Variants in CHCHD3 observed in about 807,000 individuals in gnomAD.
The protein encoded by CHCHD3 is coiled-coil-helix-coiled-coil-helix domain containing 3.
In CHCHD3, 20 loss-of-function variants were observed where a neutral mutation model predicts 38.2. The ratio of observed to expected loss-of-function variants is 0.52; its 90% confidence interval spans 0.37 to 0.76. The LOEUF (loss-of-function observed/expected upper bound fraction) is 0.76, where lower values mean the gene tolerates loss of function less well. Among genes scored for constraint, CHCHD3 ranks in the 30% least tolerant of loss-of-function variants. The pLI is 0.00. For synonymous variants in CHCHD3, 82 were observed against 100.0 expected (o/e 0.82, Z 1.07); for missense variants, 245 against 279.2 (o/e 0.88, Z 0.87).
chr7:133,074,260 C>T (rs1814912451), intron 1 of CHCHD3, among the ~76,000 whole-genome samples: 1 of 152,204 alleles, frequency 6.6e-6, no homozygotes, highest in Admixed American at 6.5e-5. Context: ...TATACCTCAA[C>T]TGTTACTTGT....
intron 4 of CHCHD3, among the ~76,000 whole-genome samples, chr7:132,924,149 G>C (rs535999507): frequency 2.2e-4 from 34 of 152,252 alleles, no homozygotes; most frequent in African/African-American, 7.7e-4. Flanking sequence ...TTCCATGAGA[G>C]TAAGATCAGT....
At chr7:132,965,598 T>C (rs1667337927) in intron 4 of CHCHD3, among the ~76,000 whole-genome samples, 1 of 152,242 alleles carries the variant, frequency 6.6e-6, no homozygotes. Context: ...GGCAATGAGT[T>C]ACCTGTGTTC....
At chr7:132,980,695 T>C (rs540654713) in intron 3 of CHCHD3, among the ~76,000 whole-genome samples, 3 of 152,268 alleles carry the variant, frequency 2.0e-5, no homozygotes, top group African/African-American at 7.2e-5. Context: ...ACCAGCAAAA[T>C]GAATTCCTAA....
chr7:132,877,258 A>G (rs1403299875), intron 5 of CHCHD3, among the ~76,000 whole-genome samples: 1 of 152,184 alleles, frequency 6.6e-6, no homozygotes. Flanking sequence ...GAAATTTCAG[A>G]GAGGTTAACA....
intron 4 of CHCHD3, among the ~76,000 whole-genome samples, chr7:132,964,659 C>G (rs1811412194): frequency 6.6e-6 from 1 of 152,146 alleles, no homozygotes; most frequent in African/African-American, 2.4e-5. Context: ...TGCTACAAAC[C>G]AGGTCCTTTT....
chr7:132,903,469 T>G (rs549749398), intron 4 of CHCHD3, among the ~76,000 whole-genome samples: 1 of 152,276 alleles, frequency 6.6e-6, no homozygotes, highest in Non-Finnish European at 1.5e-5. Flanking sequence ...AGGAAACAAG[T>G]TGCAGAAAAG....
At chr7:132,870,871 T>C (rs1188960979) in intron 5 of CHCHD3, among the ~76,000 whole-genome samples, 1 of 152,202 alleles carries the variant, frequency 6.6e-6, no homozygotes, top group Non-Finnish European at 1.5e-5. Context: ...GGTTTCTGTT[T>C]CATTGCTTGA....
At chr7:133,046,248 G>GA (rs914655427) in intron 2 of CHCHD3, among the ~76,000 whole-genome samples, 6 of 151,764 alleles carry the variant, frequency 4.0e-5, no homozygotes, top group South Asian at 2.1e-4. Flanking sequence ...ACTTGGATAG[G>GA]AAAAAAAATG....
chr7:132,906,115 T>A (rs1285301430), intron 4 of CHCHD3, among the ~76,000 whole-genome samples: 1 of 152,222 alleles, frequency 6.6e-6, no homozygotes, highest in Non-Finnish European at 1.5e-5. Context: ...AATTCCACAA[T>A]GTATGATATA....
At chr7:132,896,088 G>T (rs1393591218) in intron 4 of CHCHD3, among the ~76,000 whole-genome samples, 3 of 152,296 alleles carry the variant, frequency 2.0e-5, no homozygotes, top group Admixed American at 6.5e-5. Context: ...TCTATCATCT[G>T]GTGGTTGGGT....
chr7:133,036,160 T>C (rs1813668477), intron 2 of CHCHD3, among the ~76,000 whole-genome samples: 1 of 152,132 alleles, frequency 6.6e-6, no homozygotes, highest in Non-Finnish European at 1.5e-5. Context: ...TCCCATCCTG[T>C]TAGTGTAAGT....
intron 2 of CHCHD3, among the ~76,000 whole-genome samples, chr7:133,031,641 ATTTT>A (rs1208571372): frequency 6.6e-6 from 1 of 151,862 alleles, no homozygotes; most frequent in Non-Finnish European, 1.5e-5. Context: ...CCTTTAATGT[ATTTT>A]TCTTTCTGGT....
chr7:132,960,465 A>G, intron 4 of CHCHD3, among the ~76,000 whole-genome samples: 1 of 152,162 alleles, frequency 6.6e-6, no homozygotes, highest in East Asian at 1.9e-4. Flanking sequence ...CACTCTCTTA[A>G]TAATATATTG....
chr7:132,858,675 A>G (rs919805116), intron 5 of CHCHD3, among the ~76,000 whole-genome samples: 2 of 152,222 alleles, frequency 1.3e-5, no homozygotes, highest in Non-Finnish European at 2.9e-5. Flanking sequence ...AGAAAACTAA[A>G]GCCTTCCTGA....
chr7:132,971,953 C>T (rs949124971), intron 4 of CHCHD3, among the ~76,000 whole-genome samples: 2 of 149,316 alleles, frequency 1.3e-5, no homozygotes, highest in Non-Finnish European at 2.9e-5. Flanking sequence ...ACCTCTCCAG[C>T]TGGGGATCAA....
intron 5 of CHCHD3, among the ~76,000 whole-genome samples, chr7:132,856,756 T>C (rs1455684140): frequency 6.6e-6 from 1 of 152,212 alleles, no homozygotes; most frequent in African/African-American, 2.4e-5. Flanking sequence ...GAATTGATCA[T>C]TTGTTTCCCT....
At chr7:132,817,219 TG>T (rs747535060) in intron 6 of CHCHD3, among the ~76,000 whole-genome samples, 663 of 147,672 alleles carry the variant, frequency 4.5e-3, no homozygotes, top group African/African-American at 5.1e-3. Flanking sequence ...TTTTTTTTTT[TG>T]GGCATTACCC....
chr7:133,075,825 C>T (rs1348060741), intron 1 of CHCHD3, among the ~76,000 whole-genome samples: 1 of 152,034 alleles, frequency 6.6e-6, no homozygotes, highest in Non-Finnish European at 1.5e-5. Context: ...TTTGGGAGGC[C>T]AAGGCAGGCA....
chr7:133,048,517 G>A lies in CHCHD3; in HGVS notation c.169+21625C>T, dbSNP rs1254932868. ...CTAATAGAGAAGTGAGGAGAAGGGT[G>A]ACAAATAAGGGAGGGGTAAAGAGGC... On this transcript the variant is annotated intron_variant, in intron 2 of 7. Coordinates refer to ENST00000262570, the MANE Select transcript of CHCHD3 (RefSeq NM_017812.4). 2.0e-5 allele frequency among the ~76,000 whole-genome samples: 3 copies of A among 152,044 alleles called. 1 individual carries two copies. The highest frequency in any genetic ancestry group is 4.4e-5 in the Non-Finnish European group (3 of 68,030).
Sources: gnomAD v4.1 joint callset for allele counts (sites outside exome capture counted in the v4.1 genomes callset) on GRCh38, gnomAD v4.1.1 for gene constraint, MANE v1.5 for transcripts, NCBI Gene and HGNC (gene_info 2026-07-23, HGNC 2026-07-21) for gene names.